PNLDC1: variants seen among roughly 807,000 people sequenced by gnomAD.
PNLDC1 encodes PARN like ribonuclease domain containing exonuclease 1.
PNLDC1 carries 70 observed loss-of-function variants against 82.0 expected under a neutral mutation model. The observed-to-expected ratio is 0.85, with a 90% confidence interval of 0.70 to 1.04. The LOEUF is 1.04. Ranked by LOEUF, PNLDC1 falls within the 50% of genes least tolerant of loss-of-function variation. The pLI, the probability that PNLDC1 is intolerant of heterozygous loss-of-function variation, is 0.00. For missense variants in PNLDC1, 631 were observed against 661.1 expected, an observed-to-expected ratio of 0.95 and a Z score of 0.50; for synonymous variants, 280 against 249.3, an observed-to-expected ratio of 1.12 and a Z score of -1.16.
chr6:159,814,550 C>T (rs1003396635), intron 12 of PNLDC1, among the ~76,000 whole-genome samples: 1 of 152,174 alleles, frequency 6.6e-6, no homozygotes, highest in Non-Finnish European at 1.5e-5. Context: ...CTTGACCCTC[C>T]TCTCTGTCCC....
chr6:159,801,626 T>G (rs1024388296), intron 3 of PNLDC1, among the ~76,000 whole-genome samples: 8 of 152,220 alleles, frequency 5.3e-5, no homozygotes, highest in African/African-American at 1.7e-4. Context: ...TTAAATTTTT[T>G]GTTCAGATGG....
chr6:159,818,464 C>T, intron 15 of PNLDC1, 91 bp from the exon 16 acceptor site: 2 of 1,179,254 alleles, frequency 1.7e-6, no homozygotes, highest in East Asian at 4.7e-5. Flanking sequence ...AGGGAGTGTC[C>T]TTCTGTTCTG....
chr6:159,815,102 A>G lies in PNLDC1; in HGVS notation c.996-867A>G, dbSNP rs370487776. Among the ~76,000 whole-genome samples the G allele has an allele frequency of 2.4e-4, 36 of 152,350 alleles. 1 individual carries two copies. In the South Asian group the frequency reaches 7.0e-3, roughly 30 times the overall value. On this transcript the variant is annotated intron_variant, in intron 12 of 18. Transcript: ENST00000392167. ...CACCCAGGTCCTGGAGCCAAGACCT[A>G]GAAGGGGTCACAGAGCTGAGTTGCT...
At position 159,800,956 on chromosome 6, in the gene PNLDC1, C is replaced by T; in HGVS notation, c.134+127C>T. 5 of 1,441,390 alleles carry T rather than the reference C, an allele frequency of 3.5e-6. No homozygotes were observed. In the South Asian group the frequency reaches 3.5e-5, roughly 10 times the overall value. 89.3% of individuals were successfully genotyped at this position (1,441,390 alleles called of 1,614,324 possible). A position where few individuals can be genotyped will look rare whatever the true frequency, so the allele number is the denominator to read the frequency against. The stretch of plus-strand genomic sequence containing the variant: ...GGCTTGCTCCTACGTGTTGGAGGAC[C>T]TTGCTTTTTTCTGTCCACTAAATGA... On this transcript the variant is annotated intron_variant, in intron 2 of 18. Transcript: ENST00000392167.
intron 10 of PNLDC1, 149 bp from the exon 11 acceptor site, chr6:159,811,552 G>A (rs1384267174): frequency 1.6e-6 from 1 of 616,314 alleles, no homozygotes; most frequent in African/African-American, 1.8e-5. Flanking sequence ...GAAATCCTTA[G>A]TGGCTAGGAT....
At chr6:159,820,365 G>A (rs1177516434) in intron 18 of PNLDC1, 89 bp from the exon 19 acceptor site, 49 of 1,241,680 alleles carry the variant, frequency 3.9e-5, no homozygotes, top group African/African-American at 4.4e-5. Context: ...CTGAGTGCAC[G>A]GGGCTGGGAA....
At chr6:159,801,428 G>A (rs1286583032) in intron 3 of PNLDC1, among the ~76,000 whole-genome samples, 20 of 152,150 alleles carry the variant, frequency 1.3e-4, no homozygotes, top group Admixed American at 1.3e-3. Context: ...ACTCTTTCAA[G>A]TAAAACTGTG....
In PNLDC1 at chr6:159,820,645, T is replaced by C. The variant is rs1022851152; in HGVS notation, c.*128T>C. 3 of 851,202 alleles carry C rather than the reference T, an allele frequency of 3.5e-6. No homozygotes were observed. Among genetic ancestry groups the C allele is most frequent in the South Asian group, 2.9e-5 (2 of 68,496 alleles). The allele number at this position is 851,202 out of a possible 1,614,324, so 52.7% of individuals were successfully genotyped here. A position where few individuals can be genotyped will look rare whatever the true frequency, so the allele number is the denominator to read the frequency against. On this transcript the variant is annotated 3_prime_UTR_variant, in exon 19 of 19. Transcript: ENST00000392167. Reference sequence around the variant, plus strand: ...TTGGTCTTTTCTAGAAATTCTGTTATGTCCTGAACGTGAAATTCTGTCAAC... The same window carrying C: ...TTGGTCTTTTCTAGAAATTCTGTTACGTCCTGAACGTGAAATTCTGTCAAC...
intron 7 of PNLDC1, 108 bp downstream of exon 7, chr6:159,806,191 C>A (rs1465735613): frequency 2.4e-6 from 2 of 827,088 alleles, no homozygotes; most frequent in Non-Finnish European, 4.1e-6. Flanking sequence ...TCCCAAGTGC[C>A]TCATGACTGA....
At chr6:159,811,852 T>C (rs532592513) in intron 11 of PNLDC1, 66 bp downstream of exon 11, 1 of 1,202,904 alleles carries the variant, frequency 8.3e-7, no homozygotes, top group South Asian at 1.3e-5. Context: ...TAGCTTTCTC[T>C]TGTGGGGTTT....
chr6:159,812,516 C>G (rs1288552457), intron 11 of PNLDC1, among the ~76,000 whole-genome samples: 1 of 152,154 alleles, frequency 6.6e-6, no homozygotes, highest in Non-Finnish European at 1.5e-5. Context: ...ATTGAGCCCT[C>G]CAGTCATGGG....
At chr6:159,811,634 A>G (rs896089394) in intron 10 of PNLDC1, 67 bp from the exon 11 acceptor site, 1 of 1,309,304 alleles carries the variant, frequency 7.6e-7, no homozygotes, top group African/African-American at 1.5e-5. Flanking sequence ...GCTAGGTTCA[A>G]GAATGTTCCT....
chr6:159,801,080 T>C (rs1781234899), intron 2 of PNLDC1, 33 bp from the exon 3 acceptor site: 1 of 1,610,840 alleles, frequency 6.2e-7, no homozygotes, highest in Admixed American at 1.7e-5. Context: ...GGGATGTCAT[T>C]GCTCGTGGAA....
At chr6:159,804,971 G>T (rs1290525887) in intron 6 of PNLDC1, among the ~76,000 whole-genome samples, 1 of 152,224 alleles carries the variant, frequency 6.6e-6, no homozygotes, top group Non-Finnish European at 1.5e-5. Context: ...CGTTCTGTTG[G>T]ACTTGCTGTG....
intron 7 of PNLDC1, among the ~76,000 whole-genome samples, chr6:159,806,756 C>A (rs1005747492): frequency 2.6e-5 from 4 of 152,208 alleles, no homozygotes; most frequent in African/African-American, 9.6e-5. Context: ...GATTACTCAT[C>A]TTTTAAATAT....
intron 7 of PNLDC1, 141 bp downstream of exon 7, chr6:159,806,224 G>T: frequency 1.5e-6 from 1 of 678,708 alleles, no homozygotes; most frequent in Non-Finnish European, 2.6e-6. Context: ...CATTTGTTTG[G>T]CGGTTACGGA....
chr6:159,800,652 C>G (rs530662142), intron 1 of PNLDC1, 120 bp from the exon 2 acceptor site: 1 of 1,582,344 alleles, frequency 6.3e-7, no homozygotes, highest in Non-Finnish European at 8.6e-7. Context: ...TTCCTGACCT[C>G]ACTTGGCTTC....
chr6:159,818,824 C>A, intron 16 of PNLDC1, 122 bp from the exon 17 acceptor site: 1 of 1,256,642 alleles, frequency 8.0e-7, no homozygotes, highest in South Asian at 1.4e-5. Flanking sequence ...TGGACTCATC[C>A]TTCCTTCTCT....
At chr6:159,817,241 G>C (rs752005555) in intron 15 of PNLDC1, 90 bp downstream of exon 15, 25 of 1,199,542 alleles carry the variant, frequency 2.1e-5, no homozygotes, top group Non-Finnish European at 2.7e-5. Context: ...CCAGTCCCAG[G>C]GTTCTACCAA....
Sources: allele counts gnomAD v4.1 joint callset (sites outside exome capture counted in the v4.1 genomes callset), GRCh38; gene constraint gnomAD v4.1.1; transcripts MANE v1.5; gene names NCBI Gene and HGNC (gene_info 2026-07-23, HGNC 2026-07-21).